Variants in FGF14 observed in about 807,000 individuals in gnomAD.
The protein encoded by FGF14 is fibroblast growth factor 14, also known as fibroblast growth factor homologous factor 4.
FGF14 carries 5 observed loss-of-function variants against 25.5 expected under a neutral mutation model. That is an observed-to-expected ratio of 0.20 (90% confidence interval 0.10 to 0.41). The LOEUF (loss-of-function observed/expected upper bound fraction) is 0.41. Ranked by LOEUF, FGF14 falls within the 10% of genes least tolerant of loss-of-function variation. The pLI is 1.00. For synonymous variants in FGF14, 138 were observed against 118.3 expected (o/e 1.17, Z -1.08); for missense variants, 222 against 320.1 (o/e 0.69, Z 2.34).
At chr13:102,077,049 A>G (rs2043397416) in intron 1 of FGF14, among the ~76,000 whole-genome samples, 1 of 152,226 alleles carries the variant, frequency 6.6e-6, no homozygotes, top group African/African-American at 2.4e-5. Context: ...ATTTTCATAC[A>G]TAGTGTTGGA....
At chr13:101,873,263 C>A (rs770148965) in intron 2 of FGF14, among the ~76,000 whole-genome samples, 2 of 152,124 alleles carry the variant, frequency 1.3e-5, no homozygotes, top group Non-Finnish European at 2.9e-5. Context: ...TTAAAGGTAA[C>A]CAATTTTGTT....
chr13:102,107,073 T>G (rs1376781232), intron 1 of FGF14, among the ~76,000 whole-genome samples: 3 of 152,238 alleles, frequency 2.0e-5, no homozygotes, highest in Non-Finnish European at 2.9e-5. Flanking sequence ...TTGGGCTTAT[T>G]TGAACTTCAG....
chr13:102,031,300 G>A (rs1349158564), intron 1 of FGF14, among the ~76,000 whole-genome samples: 1 of 151,948 alleles, frequency 6.6e-6, no homozygotes, highest in African/African-American at 2.4e-5. Context: ...TTATAATGAG[G>A]TGAATGTAGT....
At chr13:102,310,373 C>G (rs1245105099) in intron 1 of FGF14, among the ~76,000 whole-genome samples, 1 of 152,076 alleles carries the variant, frequency 6.6e-6, no homozygotes, top group African/African-American at 2.4e-5. Context: ...GTGAGAAATC[C>G]TAACAGGCAG....
At chr13:102,038,598 C>A (rs1170527461) in intron 1 of FGF14, among the ~76,000 whole-genome samples, 2 of 152,086 alleles carry the variant, frequency 1.3e-5, no homozygotes, top group African/African-American at 4.8e-5. Context: ...CCTAAACCTG[C>A]AAGAAATTCT....
chr13:101,865,043 C>A (rs534996333), intron 3 of FGF14, among the ~76,000 whole-genome samples: 22 of 152,226 alleles, frequency 1.4e-4, no homozygotes, highest in African/African-American at 4.8e-4. Context: ...CTGAATAAAG[C>A]CCAGAGATTT....
At chr13:101,877,718 G>A (rs780951441) in intron 1 of FGF14, among the ~76,000 whole-genome samples, 2 of 152,286 alleles carry the variant, frequency 1.3e-5, no homozygotes, top group African/African-American at 4.8e-5. Flanking sequence ...AGCCAGAGCT[G>A]AATTTGTGAT....
intron 3 of FGF14, among the ~76,000 whole-genome samples, chr13:101,788,175 G>A (rs2039964007): frequency 6.6e-6 from 1 of 151,920 alleles, no homozygotes; most frequent in South Asian, 2.1e-4. Context: ...CCTGCCCCCT[G>A]CCCCCTCCTC....
chr13:101,913,722 C>T (rs1167235214), intron 1 of FGF14, among the ~76,000 whole-genome samples: 1 of 152,098 alleles, frequency 6.6e-6, no homozygotes, highest in Non-Finnish European at 1.5e-5. Flanking sequence ...AAAATCTCTG[C>T]ATCCTTCTTA....
intron 1 of FGF14, among the ~76,000 whole-genome samples, chr13:101,997,389 T>C (rs1415983749): frequency 6.6e-6 from 1 of 152,240 alleles, no homozygotes; most frequent in Non-Finnish European, 1.5e-5. Context: ...TGTATAACTC[T>C]CAATCACAAG....
At chr13:102,287,949 T>C (rs536736099) in intron 1 of FGF14, among the ~76,000 whole-genome samples, 1 of 152,314 alleles carries the variant, frequency 6.6e-6, no homozygotes, top group East Asian at 1.9e-4. Flanking sequence ...TAAATGAGAA[T>C]CTTTTGAAGC....
rs140681396 is a variant in FGF14 at position 101,719,113 on chromosome 13, T to C, written c.*3718A>G. The C allele has an allele frequency of 1.9e-4, 29 of 152,276 alleles. No individual in the cohort carries two copies. In the East Asian group the frequency reaches 5.2e-3, roughly 27 times the overall value. The allele number at this position is 152,276 out of a possible 1,614,324, so 9.4% of individuals were successfully genotyped here. A position where few individuals can be genotyped will look rare whatever the true frequency, so the allele number is the denominator to read the frequency against. On this transcript the variant is annotated 3_prime_UTR_variant, in exon 5 of 5. Coordinates refer to ENST00000376143, the MANE Select transcript of FGF14 (RefSeq NM_004115.4). ...AGTCAATGTGGTCTCTTTTTGAATA[T>C]GTATCAAATATTAATGATCCATAAT...
chr13:101,926,567 G>A (rs2034380733), intron 1 of FGF14, among the ~76,000 whole-genome samples: 1 of 152,200 alleles, frequency 6.6e-6, no homozygotes, highest in South Asian at 2.1e-4. Context: ...TGAATTGTGA[G>A]AATGCATTTT....
chr13:101,786,833 A>G (rs10508075), intron 3 of FGF14, among the ~76,000 whole-genome samples: 62,085 of 152,000 alleles, frequency 0.41, 15,045 homozygotes, highest in Non-Finnish European at 0.54. Flanking sequence ...TGACAATTAA[A>G]CCACATAGCA....
chr13:101,926,937 T>C (rs1566447547), intron 1 of FGF14, among the ~76,000 whole-genome samples: 1 of 152,212 alleles, frequency 6.6e-6, no homozygotes, highest in African/African-American at 2.4e-5. Context: ...ATCAGAAATA[T>C]TTCCTGAAGC....
intron 3 of FGF14, among the ~76,000 whole-genome samples, chr13:101,765,711 A>G (rs1439973175): frequency 6.7e-6 from 1 of 148,284 alleles, no homozygotes; most frequent in Non-Finnish European, 1.5e-5. Flanking sequence ...TATTATTATT[A>G]TTATTATTTT....
At chr13:101,961,153 GAC>G (rs1027433327) in intron 1 of FGF14, among the ~76,000 whole-genome samples, 3 of 152,204 alleles carry the variant, frequency 2.0e-5, no homozygotes, top group Non-Finnish European at 4.4e-5. Context: ...TCACTCTGAT[GAC>G]AGTTTCTTTC....
At chr13:102,091,639 T>A (rs963740155) in intron 1 of FGF14, among the ~76,000 whole-genome samples, 2 of 152,158 alleles carry the variant, frequency 1.3e-5, no homozygotes, top group Admixed American at 1.3e-4. Flanking sequence ...TCAGAGATAC[T>A]AGCACCAGCC....
chr13:102,360,405 G>A (rs1007080766), intron 1 of FGF14, among the ~76,000 whole-genome samples: 3 of 152,124 alleles, frequency 2.0e-5, no homozygotes, highest in Non-Finnish European at 2.9e-5. Flanking sequence ...TGTTGATCTA[G>A]ATGGCAGCAT....
Sources: allele counts gnomAD v4.1 joint callset (sites outside exome capture counted in the v4.1 genomes callset), GRCh38; gene constraint gnomAD v4.1.1; transcripts MANE v1.5; gene names NCBI Gene and HGNC (gene_info 2026-07-23, HGNC 2026-07-21).